Variants in TENM3 observed in about 807,000 individuals in gnomAD.
The protein encoded by TENM3 is teneurin-3.
In TENM3, 63 loss-of-function variants were observed where a neutral mutation model predicts 255.1. The ratio of observed to expected loss-of-function variants is 0.25; its 90% CI spans 0.20 to 0.30. TENM3 has a LOEUF of 0.30. Ranked by LOEUF, TENM3 falls within the 10% of genes least tolerant of loss-of-function variation. TENM3 has a pLI of 1.00. For missense variants in TENM3, 2,929 were observed against 3,461.1 expected, an observed-to-expected ratio of 0.85 and a Z score of 3.86; for synonymous variants, 1,306 against 1,322.3, an observed-to-expected ratio of 0.99 and a Z score of 0.27.
chr4:181,579,296 A>G, the TENM3 span, among the ~76,000 whole-genome samples: 1 of 151,820 alleles, frequency 6.6e-6, no homozygotes, highest in Non-Finnish European at 1.5e-5. Flanking sequence ...ACACCTCCTA[A>G]CCACTCCCCC....
At chr4:181,656,792 C>T in the TENM3 span, among the ~76,000 whole-genome samples, 2 of 152,158 alleles carry the variant, frequency 1.3e-5, no homozygotes, top group South Asian at 4.1e-4. Flanking sequence ...ACAGAAACAT[C>T]TCAAGGAAGC....
At chr4:182,035,999 C>G in the TENM3 span, among the ~76,000 whole-genome samples, 7 of 152,088 alleles carry the variant, frequency 4.6e-5, no homozygotes, top group African/African-American at 1.4e-4. Context: ...CTTGTGCAGG[C>G]TCTCCCTTCC....
At chr4:181,466,030 A>G in the TENM3 span, among the ~76,000 whole-genome samples, 1 of 152,142 alleles carries the variant, frequency 6.6e-6, no homozygotes, top group East Asian at 1.9e-4. Context: ...AGCTAACTTC[A>G]AGCAATCACT....
the TENM3 span, among the ~76,000 whole-genome samples, chr4:181,700,447 C>T: frequency 1.3e-5 from 2 of 152,030 alleles, no homozygotes; most frequent in East Asian, 1.9e-4. Context: ...AAATATGTTT[C>T]GATATGTGAT....
chr4:182,759,826 C>T (rs944680954), intron 22 of TENM3, among the ~76,000 whole-genome samples: 7 of 152,102 alleles, frequency 4.6e-5, no homozygotes, highest in Non-Finnish European at 8.8e-5. Flanking sequence ...ACTGTCATTT[C>T]GAAAACTAGA....
the TENM3 span, among the ~76,000 whole-genome samples, chr4:182,038,459 A>G: frequency 1.3e-5 from 2 of 152,212 alleles, no homozygotes; most frequent in African/African-American, 4.8e-5. Flanking sequence ...TTAAAGTGGC[A>G]GTAATTAAGA....
chr4:182,386,452 C>T (rs1276537239), intron 3 of TENM3, among the ~76,000 whole-genome samples: 1 of 152,262 alleles, frequency 6.6e-6, no homozygotes, highest in Non-Finnish European at 1.5e-5. Flanking sequence ...TGGGTTCCCA[C>T]TTTGGCGGCA....
At chr4:182,070,739 ATTAC>A in the TENM3 span, among the ~76,000 whole-genome samples, 1 of 152,210 alleles carries the variant, frequency 6.6e-6, no homozygotes, top group African/African-American at 2.4e-5. Flanking sequence ...CAGATTTTCA[ATTAC>A]TTATTTCTCT....
At chr4:181,643,237 A>G in the TENM3 span, among the ~76,000 whole-genome samples, 1 of 152,040 alleles carries the variant, frequency 6.6e-6, no homozygotes, top group Non-Finnish European at 1.5e-5. Flanking sequence ...CGTTCCTTGT[A>G]AGTTGTATTG....
At chr4:182,631,996 A>G (rs1751416551) in intron 5 of TENM3, among the ~76,000 whole-genome samples, 1 of 152,268 alleles carries the variant, frequency 6.6e-6, no homozygotes, top group African/African-American at 2.4e-5. Context: ...TATTTCTTCA[A>G]AATTTCAGAG....
the TENM3 span, among the ~76,000 whole-genome samples, chr4:181,604,551 C>T: frequency 6.6e-6 from 1 of 152,158 alleles, no homozygotes; most frequent in Non-Finnish European, 1.5e-5. Flanking sequence ...CTCGGGGCCA[C>T]TGGAGCCCAC....
chr4:182,182,524 G>A (rs1409528861), intron 1 of TENM3, among the ~76,000 whole-genome samples: 1 of 152,142 alleles, frequency 6.6e-6, no homozygotes, highest in African/African-American at 2.4e-5. Flanking sequence ...CAGGCATAGC[G>A]TATTTCTGCA....
the TENM3 span, among the ~76,000 whole-genome samples, chr4:182,096,025 G>C: frequency 5.3e-5 from 8 of 151,934 alleles, no homozygotes; most frequent in Admixed American, 3.3e-4. Context: ...AGCTACTTGG[G>C]AGGCTGAGGT....
chr4:182,742,996 A>C (rs546905608), intron 18 of TENM3, among the ~76,000 whole-genome samples, 174 bp from the exon 19 acceptor site: 68 of 152,366 alleles, frequency 4.5e-4, no homozygotes, highest in Middle Eastern at 3.4e-3. Context: ...TTTATCGTGT[A>C]ATATTTTACA....
the TENM3 span, among the ~76,000 whole-genome samples, chr4:181,530,072 A>G: frequency 3.9e-5 from 6 of 152,200 alleles, no homozygotes; most frequent in Non-Finnish European, 7.3e-5. Flanking sequence ...AACTGTGTAC[A>G]ATTACATTTT....
chr4:182,704,009 T>A (rs75291231), intron 12 of TENM3, among the ~76,000 whole-genome samples: 1 of 152,216 alleles, frequency 6.6e-6, no homozygotes, highest in Non-Finnish European at 1.5e-5. Flanking sequence ...ATTCACCTAG[T>A]ATAAAACATT....
At chr4:182,489,650 G>A (rs1735088671) in intron 3 of TENM3, among the ~76,000 whole-genome samples, 1 of 152,120 alleles carries the variant, frequency 6.6e-6, no homozygotes. Flanking sequence ...TGAAACCTTT[G>A]CTTACCGCTT....
At chr4:182,322,960 A>G (rs773460877) in intron 1 of TENM3, among the ~76,000 whole-genome samples, 1 of 152,168 alleles carries the variant, frequency 6.6e-6, no homozygotes, top group African/African-American at 2.4e-5. Flanking sequence ...GGGTGGGAGG[A>G]AAACACGAAG....
chr4:182,736,551 T>G (rs1227294368), intron 16 of TENM3, among the ~76,000 whole-genome samples: 1 of 152,142 alleles, frequency 6.6e-6, no homozygotes, highest in Non-Finnish European at 1.5e-5. Context: ...GAAGAGACAT[T>G]TGGGCTGGCA....
Sources: gnomAD v4.1 joint callset for allele counts (sites outside exome capture counted in the v4.1 genomes callset) on GRCh38, gnomAD v4.1.1 for gene constraint, MANE v1.5 for transcripts, NCBI Gene and HGNC (gene_info 2026-07-23, HGNC 2026-07-21) for gene names.